Variants in SH2D4B observed in about 807,000 individuals in gnomAD.
The protein encoded by SH2D4B is SH2 domain-containing protein 4B.
A neutral mutation model predicts 61.5 loss-of-function variants in SH2D4B; 45 were observed. The ratio of observed to expected loss-of-function variants is 0.73; its 90% CI spans 0.58 to 0.94. SH2D4B has a LOEUF of 0.94. Ranked by LOEUF, SH2D4B falls within the 40% of genes least tolerant of loss-of-function variation. The pLI, the probability that SH2D4B is intolerant of heterozygous loss-of-function variation, is 0.00. For missense variants in SH2D4B, 572 were observed against 574.2 expected (o/e 1.00, Z 0.04); for synonymous variants, 224 against 220.4 (o/e 1.02, Z -0.14).
chr10:80,546,667 A>G (rs1841685079), intron 1 of SH2D4B, among the ~76,000 whole-genome samples: 1 of 151,830 alleles, frequency 6.6e-6, no homozygotes, highest in Admixed American at 6.6e-5. Context: ...CTGGACCTAC[A>G]GGCGCCCACC....
Position 80,587,352 on chromosome 10 carries a change from C to T in SH2D4B, c.496-1278C>T, listed in dbSNP as rs111684881. 2.0e-5 allele frequency among the ~76,000 whole-genome samples: 3 copies of T among 151,974 alleles called. No individual in the cohort carries two copies. The East Asian group carries it at 5.8e-4, about 29-fold the overall frequency. On this transcript the variant is annotated intron_variant, in intron 3 of 7. Coordinates refer to ENST00000646907, the MANE Select transcript of SH2D4B (RefSeq NM_001388272.1). ...GTGGAGTGCAGTGGTGCGATCTCAG[C>T]TCACTGCAACCTCCTCCTTCCGGTT...
At chr10:80,571,958 G>A (rs1171181822) in intron 3 of SH2D4B, among the ~76,000 whole-genome samples, 1 of 151,904 alleles carries the variant, frequency 6.6e-6, no homozygotes. Flanking sequence ...ATTTTTAGTA[G>A]AGACGGGGTT....
chr10:80,570,446 C>G (rs1842028136), intron 2 of SH2D4B, 130 bp downstream of exon 2: 1 of 1,205,790 alleles, frequency 8.3e-7, no homozygotes, highest in East Asian at 2.6e-5. Context: ...TCTCAAACTC[C>G]TGACCTCAGG....
intron 7 of SH2D4B, among the ~76,000 whole-genome samples, chr10:80,635,383 C>T (rs1409283022): frequency 6.6e-6 from 1 of 152,198 alleles, no homozygotes; most frequent in Non-Finnish European, 1.5e-5. Context: ...CGTCCGACAT[C>T]TAACCAAGCT....
chr10:80,619,653 C>T (rs7910595), intron 6 of SH2D4B, among the ~76,000 whole-genome samples: 4,929 of 152,340 alleles, frequency 0.032, 104 homozygotes, highest in African/African-American at 0.06. Context: ...ATCCATTGTC[C>T]TCCTGGGATT....
intron 6 of SH2D4B, among the ~76,000 whole-genome samples, chr10:80,624,703 T>C (rs778781590): frequency 1.3e-5 from 2 of 152,194 alleles, no homozygotes; most frequent in Non-Finnish European, 2.9e-5. Flanking sequence ...CAGCCAAGGC[T>C]GAGAACCATA....
At chr10:80,611,786 C>CT (rs79594293) in intron 6 of SH2D4B, among the ~76,000 whole-genome samples, 5,181 of 144,414 alleles carry the variant, frequency 0.036, 129 homozygotes, top group Non-Finnish European at 0.052. Flanking sequence ...TCTTTTTTGA[C>CT]TTTTTTTTTT....
intron 1 of SH2D4B, among the ~76,000 whole-genome samples, chr10:80,567,679 G>A (rs942943541): frequency 6.6e-6 from 1 of 152,230 alleles, no homozygotes; most frequent in Non-Finnish European, 1.5e-5. Flanking sequence ...AGTCCTACAG[G>A]TCAGGACCGC....
chr10:80,626,547 C>T (rs1451241895), intron 6 of SH2D4B, among the ~76,000 whole-genome samples: 1 of 152,212 alleles, frequency 6.6e-6, no homozygotes, highest in Non-Finnish European at 1.5e-5. Flanking sequence ...ATTCCATCTG[C>T]CATGTGTCTT....
chr10:80,538,600 C>G lies in SH2D4B; in HGVS notation c.184+85C>G. On this transcript the variant is annotated intron_variant, in intron 1 of 7. Transcript: ENST00000646907. The surrounding 1 kb of genome is among the most constrained non-coding windows in gnomAD (Gnocchi z 4.8). Reference sequence around the variant, plus strand: ...AGCAGGGCCAGGCTGTGCCCTTCTTCAAGATGGGCACTGGGGTGATGAGGG... The same window carrying G: ...AGCAGGGCCAGGCTGTGCCCTTCTTGAAGATGGGCACTGGGGTGATGAGGG... 6 of 1,134,140 alleles carry G rather than the reference C, an allele frequency of 5.3e-6. No homozygotes were observed. The highest frequency in any genetic ancestry group is 2.9e-5 in the South Asian group (1 of 34,366). The allele number at this position is 1,134,140 out of a possible 1,614,324, so 70.3% of individuals were successfully genotyped here.
At chr10:80,613,335 C>T (rs1020217927) in intron 6 of SH2D4B, among the ~76,000 whole-genome samples, 3 of 152,222 alleles carry the variant, frequency 2.0e-5, no homozygotes, top group Admixed American at 6.5e-5. Flanking sequence ...TTTCAAAATT[C>T]GACATGTATC....
At chr10:80,552,705 C>T (rs1841777780) in intron 1 of SH2D4B, among the ~76,000 whole-genome samples, 1 of 152,190 alleles carries the variant, frequency 6.6e-6, no homozygotes, top group Non-Finnish European at 1.5e-5. Context: ...TACTGCTTTC[C>T]AGGTTTTTCT....
intron 6 of SH2D4B, among the ~76,000 whole-genome samples, chr10:80,618,428 C>T (rs1306299398): frequency 6.6e-6 from 1 of 152,116 alleles, no homozygotes; most frequent in African/African-American, 2.4e-5. Context: ...GACCAAGAAA[C>T]TCGTCCAGTG....
At chr10:80,578,276 C>T (rs899428644) in intron 3 of SH2D4B, among the ~76,000 whole-genome samples, 1 of 152,184 alleles carries the variant, frequency 6.6e-6, no homozygotes. Flanking sequence ...AGGGTTCTAA[C>T]ATTCTGAGTC....
chr10:80,613,830 A>T (rs1413594738), intron 6 of SH2D4B, among the ~76,000 whole-genome samples: 2 of 152,228 alleles, frequency 1.3e-5, no homozygotes, highest in East Asian at 3.9e-4. Flanking sequence ...CTCAGAATAC[A>T]TTCAGAGAAG....
intron 3 of SH2D4B, among the ~76,000 whole-genome samples, chr10:80,575,993 C>T (rs1219681345): frequency 2.0e-5 from 3 of 152,222 alleles, no homozygotes; most frequent in Non-Finnish European, 4.4e-5. Flanking sequence ...TTATCTCTCT[C>T]CTAACCGTGA....
chr10:80,556,579 G>T (rs987561063), intron 1 of SH2D4B, among the ~76,000 whole-genome samples: 3 of 152,108 alleles, frequency 2.0e-5, no homozygotes, highest in Non-Finnish European at 2.9e-5. Context: ...ATTTATTTAG[G>T]TCGTCAATTT....
In SH2D4B at chr10:80,634,310, A is replaced by C. The variant is rs1589365238; in HGVS notation, c.1014A>C (p.Glu338Asp). 4.6e-6 allele frequency: 7 copies of C among 1,515,662 alleles called. No homozygotes were observed. In the East Asian group the frequency reaches 1.7e-4, roughly 38 times the overall value. 93.9% of individuals were successfully genotyped at this position (1,515,662 alleles called of 1,614,324 possible). Residue 338 changes from glutamate to aspartate, a missense_variant, in exon 7 of 8, where the codon GAA becomes GAC. Glu to Asp is a conservative substitution (Grantham distance 45). Transcript: ENST00000646907. ...FHGIISREDA[E>D]ALLENMTEGA... ...GAATTATTAGCCGAGAAGATGCAGA[A>C]GCTCTCCTGGAGAACATGACTGAGG...
intron 4 of SH2D4B, among the ~76,000 whole-genome samples, chr10:80,591,154 A>G (rs1423523031): frequency 1.3e-5 from 2 of 151,940 alleles, no homozygotes; most frequent in African/African-American, 4.8e-5. Context: ...GTTGATGAAC[A>G]TTTGGGTTGT....
Sources: gnomAD v4.1 joint callset for allele counts (sites outside exome capture counted in the v4.1 genomes callset) on GRCh38, gnomAD v4.1.1 for gene constraint, Gnocchi (gnomAD v3.1) non-coding constraint, MANE v1.5 for transcripts, NCBI Gene and HGNC (gene_info 2026-07-23, HGNC 2026-07-21) for gene names.